RBFOX3: variants seen among roughly 807,000 people sequenced by gnomAD.
The protein encoded by RBFOX3 is RNA binding protein fox-1 homolog 3.
RBFOX3 carries 17 observed loss-of-function variants against 48.7 expected under a neutral mutation model. The observed-to-expected ratio is 0.35, with a 90% CI of 0.24 to 0.52. The LOEUF (loss-of-function observed/expected upper bound fraction) is 0.52. RBFOX3 is among the 20% of genes least tolerant of loss of function. The pLI, the probability that RBFOX3 is intolerant of heterozygous loss-of-function variation, is 0.94. For synonymous variants in RBFOX3, 212 were observed against 209.5 expected, an observed-to-expected ratio of 1.01 and a Z score of -0.10; for missense variants, 382 against 497.5, an observed-to-expected ratio of 0.77 and a Z score of 2.21.
chr17:79,273,611 G>A (rs993225334), intron 3 of RBFOX3, among the ~76,000 whole-genome samples: 1 of 152,032 alleles, frequency 6.6e-6, no homozygotes, highest in African/African-American at 2.4e-5. Context: ...GGCTAGTCCT[G>A]GGGGGCAGCG....
chr17:79,413,098 G>C (rs1000946518), intron 2 of RBFOX3, among the ~76,000 whole-genome samples: 2 of 152,140 alleles, frequency 1.3e-5, no homozygotes, highest in African/African-American at 4.8e-5. Flanking sequence ...GCAGGGAGGG[G>C]GAAAGGGGGA....
intron 4 of RBFOX3, among the ~76,000 whole-genome samples, chr17:79,177,624 G>A (rs2050885079): frequency 6.6e-6 from 1 of 152,220 alleles, no homozygotes; most frequent in Non-Finnish European, 1.5e-5. Flanking sequence ...CAGGTCCTCA[G>A]GTGGGACAGG....
the RBFOX3 span, among the ~76,000 whole-genome samples, chr17:79,630,127 G>A: frequency 6.6e-6 from 1 of 152,098 alleles, no homozygotes; most frequent in Admixed American, 6.5e-5. Context: ...CTCCCCCAAG[G>A]TACCAGCTCA....
chr17:79,101,944 G>T (rs2076522558), intron 8 of RBFOX3, among the ~76,000 whole-genome samples: 1 of 152,200 alleles, frequency 6.6e-6, no homozygotes, highest in Admixed American at 6.5e-5. Flanking sequence ...CAGCTCCCTG[G>T]TGGACTCTCC....
chr17:79,153,412 A>AT (rs1385826516), intron 4 of RBFOX3, among the ~76,000 whole-genome samples: 4 of 152,184 alleles, frequency 2.6e-5, no homozygotes, highest in African/African-American at 9.6e-5. Flanking sequence ...CGAGAAGCCC[A>AT]TTTTTGGGGC....
intron 1 of RBFOX3, among the ~76,000 whole-genome samples, chr17:79,586,925 T>C (rs1022357208): frequency 6.6e-6 from 1 of 152,218 alleles, no homozygotes; most frequent in African/African-American, 2.4e-5. Context: ...GCAAGTCTGG[T>C]AATACCTGAA....
chr17:79,096,593 T>C (rs2075312259), intron 12 of RBFOX3, 60 bp downstream of exon 12: 5 of 1,439,410 alleles, frequency 3.5e-6, no homozygotes, highest in African/African-American at 1.4e-5. Context: ...GACGCCGACT[T>C]CTCATTGAGA....
At chr17:79,412,247 TGA>T (rs906097462) in intron 2 of RBFOX3, among the ~76,000 whole-genome samples, 6 of 151,942 alleles carry the variant, frequency 3.9e-5, no homozygotes, top group Middle Eastern at 3.4e-3. Flanking sequence ...GTGATATGTG[TGA>T]GTGTATGGTG....
intron 2 of RBFOX3, among the ~76,000 whole-genome samples, chr17:79,435,300 A>C (rs554684756): frequency 3.9e-5 from 6 of 152,202 alleles, no homozygotes; most frequent in Admixed American, 3.3e-4. Flanking sequence ...GCCAGGATCC[A>C]GGTCTGCCAT....
intron 1 of RBFOX3, among the ~76,000 whole-genome samples, chr17:79,502,768 T>C (rs34396151): frequency 0.55 from 83,661 of 151,994 alleles, 24,728 homozygotes; most frequent in Non-Finnish European, 0.66. Flanking sequence ...ATGGATTCTG[T>C]TCCTCGGCAC....
chr17:79,436,136 G>A (rs1161586851), intron 2 of RBFOX3, among the ~76,000 whole-genome samples: 2 of 152,230 alleles, frequency 1.3e-5, no homozygotes, highest in Non-Finnish European at 2.9e-5. Flanking sequence ...CTAGAAGAAT[G>A]TCAGCAAACA....
the RBFOX3 span, among the ~76,000 whole-genome samples, chr17:79,616,224 C>G: frequency 1.7e-3 from 265 of 152,226 alleles, 1 homozygote; most frequent in Non-Finnish European, 3.3e-3. Context: ...TCTATGTAGT[C>G]GTAACCTCCT....
At chr17:79,298,321 G>C (rs967147983) in intron 3 of RBFOX3, 12 of 152,290 alleles carry the variant, frequency 7.9e-5, no homozygotes, top group African/African-American at 2.9e-4. Flanking sequence ...TCCTGGTAGA[G>C]AAGAGACTGG....
At chr17:79,230,536 G>A (rs1372336145) in intron 4 of RBFOX3, among the ~76,000 whole-genome samples, 1 of 152,126 alleles carries the variant, frequency 6.6e-6, no homozygotes, top group Non-Finnish European at 1.5e-5. Flanking sequence ...TGGGATTACA[G>A]GGGTGAGCCA....
At chr17:79,191,929 C>T (rs1347836979) in intron 4 of RBFOX3, among the ~76,000 whole-genome samples, 1 of 152,078 alleles carries the variant, frequency 6.6e-6, no homozygotes. Flanking sequence ...GAATTGCTGC[C>T]CGGTGAGCAG....
chr17:79,484,490 A>AGGGGCCTGGGTGCAG (rs1275985481), intron 1 of RBFOX3, among the ~76,000 whole-genome samples: 6,696 of 58,592 alleles, frequency 0.11, 1,560 homozygotes, highest in Middle Eastern at 0.2. Flanking sequence ...GCCTGGGTGC[A>AGGGGCCTGGGTGCAG]GGGGCCTGGG....
At chr17:79,439,374 G>T (rs559047462) in intron 2 of RBFOX3, among the ~76,000 whole-genome samples, 1 of 152,216 alleles carries the variant, frequency 6.6e-6, no homozygotes, top group Non-Finnish European at 1.5e-5. Flanking sequence ...AACAGGTAAC[G>T]TACTGCAAAT....
rs1204363789 is a variant in RBFOX3 at position 79,199,246 on chromosome 17, C to T, written c.-34+36520G>A. 1.3e-5 allele frequency among the ~76,000 whole-genome samples: 2 copies of T among 152,150 alleles called. No individual in the cohort carries two copies. Among genetic ancestry groups the T allele is most frequent in the Non-Finnish European group, 2.9e-5 (2 of 68,030 alleles). ...GGCCTTTCGAAAAGACCTCCCTAGC[C>T]CCCCACCCTCGGCAGCACCACCCAC... On this transcript the variant is annotated intron_variant, in intron 4 of 14. Transcript: ENST00000693108. The surrounding 1 kb of genome is among the most constrained non-coding windows in gnomAD (Gnocchi z 5.1).
chr17:79,418,195 G>T lies in RBFOX3; in HGVS notation c.-175+64259C>A, dbSNP rs1263204642. On this transcript the variant is annotated intron_variant, in intron 2 of 14. Transcript: ENST00000693108. The surrounding 1 kb of genome is among the most constrained non-coding windows in gnomAD (Gnocchi z 5.0). ...GCCACTGAACAGTGCACTTAAAAATGGTTAAGATGGTACATTTTATGTTAT... is the reference window on the plus strand; with the variant it reads ...GCCACTGAACAGTGCACTTAAAAATTGTTAAGATGGTACATTTTATGTTAT... 6.6e-6 allele frequency among the ~76,000 whole-genome samples: 1 copy of T among 152,172 alleles called. No individual in the cohort carries two copies. The highest frequency in any genetic ancestry group is 1.5e-5 in the Non-Finnish European group (1 of 68,028).
Sources: gnomAD v4.1 joint callset for allele counts (sites outside exome capture counted in the v4.1 genomes callset) on GRCh38, gnomAD v4.1.1 for gene constraint, Gnocchi (gnomAD v3.1) non-coding constraint, MANE v1.5 for transcripts, NCBI Gene and HGNC (gene_info 2026-07-23, HGNC 2026-07-21) for gene names.